SERGEF: variants seen among roughly 807,000 people sequenced by gnomAD.
SERGEF encodes the protein secretion-regulating guanine nucleotide exchange factor.
Under a neutral mutation model 50.0 loss-of-function variants are expected in SERGEF, and 51 were observed. The ratio of observed to expected loss-of-function variants is 1.02; its 90% confidence interval spans 0.81 to 1.29. SERGEF has a LOEUF of 1.29. Among genes scored for constraint, SERGEF ranks in the 50% most tolerant of loss-of-function variants. The pLI is 0.00. For synonymous variants in SERGEF, 205 were observed against 212.4 expected, an observed-to-expected ratio of 0.97 and a Z score of 0.30; for missense variants, 521 against 557.0, an observed-to-expected ratio of 0.94 and a Z score of 0.65.
intron 10 of SERGEF, among the ~76,000 whole-genome samples, chr11:17,876,712 T>C (rs559189842): frequency 6.6e-6 from 1 of 152,380 alleles, no homozygotes; most frequent in Non-Finnish European, 1.5e-5. Context: ...TTCATCTGGA[T>C]TTTGTGCTTT....
chr11:17,850,427 G>A (rs1439007210), intron 10 of SERGEF, among the ~76,000 whole-genome samples: 1 of 152,200 alleles, frequency 6.6e-6, no homozygotes, highest in Non-Finnish European at 1.5e-5. Context: ...CTGTTGCAAT[G>A]ATTAAATGTT....
At chr11:17,802,250 A>C (rs1849683689) in intron 10 of SERGEF, among the ~76,000 whole-genome samples, 1 of 152,224 alleles carries the variant, frequency 6.6e-6, no homozygotes, top group Non-Finnish European at 1.5e-5. Flanking sequence ...GAGGCCACCC[A>C]AAAATGAGGC....
chr11:17,846,690 T>G (rs1380260323), intron 10 of SERGEF: 2 of 456,110 alleles, frequency 4.4e-6, no homozygotes, highest in African/African-American at 4.0e-5. Flanking sequence ...CTTGAGTATA[T>G]CTCTTAATTT....
intron 1 of SERGEF, 120 bp downstream of exon 1, chr11:18,012,831 A>C: frequency 6.6e-7 from 1 of 1,514,772 alleles, no homozygotes; most frequent in Non-Finnish European, 8.8e-7. Context: ...GGATCCTTCA[A>C]CCCAGAGCCC....
chr11:17,984,656 C>T (rs1418865552), intron 8 of SERGEF, among the ~76,000 whole-genome samples: 3 of 152,140 alleles, frequency 2.0e-5, no homozygotes, highest in Non-Finnish European at 4.4e-5. Context: ...TAAGAGGTGA[C>T]AGTGGGCTGA....
At chr11:17,859,784 C>G (rs967858379) in intron 10 of SERGEF, among the ~76,000 whole-genome samples, 14 of 151,972 alleles carry the variant, frequency 9.2e-5, no homozygotes, top group Non-Finnish European at 1.9e-4. Flanking sequence ...GAAATGCATG[C>G]AAAAGTCAGA....
intron 10 of SERGEF, among the ~76,000 whole-genome samples, chr11:17,852,542 G>T (rs911993724): frequency 2.0e-5 from 3 of 152,166 alleles, no homozygotes; most frequent in African/African-American, 7.2e-5. Context: ...AATTATTTAT[G>T]TAAGAATTTC....
chr11:17,809,053 T>C (rs1849819201), intron 10 of SERGEF, among the ~76,000 whole-genome samples: 1 of 152,224 alleles, frequency 6.6e-6, no homozygotes, highest in African/African-American at 2.4e-5. Context: ...ACTTGGTAGA[T>C]ATCATAAGGG....
intron 10 of SERGEF, among the ~76,000 whole-genome samples, chr11:17,799,091 T>C (rs1565170334): frequency 6.6e-6 from 1 of 152,190 alleles, no homozygotes; most frequent in African/African-American, 2.4e-5. Context: ...TGATACCTCC[T>C]CCCTCTGTAT....
chr11:17,983,536 A>G (rs1853532681), intron 8 of SERGEF, among the ~76,000 whole-genome samples: 1 of 152,208 alleles, frequency 6.6e-6, no homozygotes, highest in African/African-American at 2.4e-5. Flanking sequence ...TAATCCTCAT[A>G]TCAGGTCAGC....
At chr11:17,912,447 T>G (rs181551687) in intron 9 of SERGEF, among the ~76,000 whole-genome samples, 15 of 152,344 alleles carry the variant, frequency 9.8e-5, no homozygotes, top group African/African-American at 2.9e-4. Flanking sequence ...GACAGTTACA[T>G]AAGATTCTAT....
Position 17,988,687 on chromosome 11 carries a change from G to C in SERGEF, c.754C>G (p.Pro252Ala), listed in dbSNP as rs980762006. 6 of 1,613,976 alleles carry C rather than the reference G, an allele frequency of 3.7e-6. No individual in the cohort carries two copies. In the African/African-American group the frequency reaches 8.0e-5, roughly 22 times the overall value. ...TGTGCTTCTATTTTCTGGGGCACAG[G>C]AAGGAAAGCAGCCTCATTAGCCAGT... ...GQLANEAAFL[P>A]VPQKIEAHCF... Residue 252 changes from proline to alanine, a missense_variant, in exon 8 of 11, where the codon CCT (proline) becomes GCT (alanine). Transcript: ENST00000265965.
At chr11:17,970,669 C>G (rs1046069149) in intron 8 of SERGEF, among the ~76,000 whole-genome samples, 4 of 152,168 alleles carry the variant, frequency 2.6e-5, no homozygotes, top group African/African-American at 9.7e-5. Context: ...ATTAAAAGTG[C>G]TTCGCTAGTG....
At chr11:17,978,268 C>A (rs1853420785) in intron 8 of SERGEF, among the ~76,000 whole-genome samples, 2 of 152,044 alleles carry the variant, frequency 1.3e-5, no homozygotes, top group African/African-American at 4.8e-5. Flanking sequence ...AACCTGATCC[C>A]CTTGGAAATT....
At chr11:17,891,269 C>T (rs184573571) in intron 9 of SERGEF, among the ~76,000 whole-genome samples, 1 of 152,266 alleles carries the variant, frequency 6.6e-6, no homozygotes, top group African/African-American at 2.4e-5. Flanking sequence ...GCAGAATTGG[C>T]AAGACCTGAC....
At chr11:17,955,100 A>C (rs1852839461) in intron 9 of SERGEF, among the ~76,000 whole-genome samples, 1 of 152,242 alleles carries the variant, frequency 6.6e-6, no homozygotes, top group Non-Finnish European at 1.5e-5. Flanking sequence ...AAAGTGATCT[A>C]GACTCAATTT....
At position 17,948,364 on chromosome 11, in the gene SERGEF, G is replaced by A. The variant is rs141789542; in HGVS notation, c.1011+11106C>T. Among the ~76,000 whole-genome samples, 168 of 152,256 alleles carry A rather than the reference G, an allele frequency of 1.1e-3. 1 individual carries two copies. The Middle Eastern group carries it at 0.017, about 15-fold the overall frequency. On this transcript the variant is annotated intron_variant, in intron 9 of 10. Coordinates refer to ENST00000265965, the MANE Select transcript of SERGEF (RefSeq NM_012139.4). ...ACAGATGCAAAATCTGAGACTCAGAGAAGTAAAAGCAGCTGTCCAAAGATC... is the reference window on the plus strand; with the variant it reads ...ACAGATGCAAAATCTGAGACTCAGAAAAGTAAAAGCAGCTGTCCAAAGATC...
chr11:17,994,475 CAAAAAAA>C (rs58280362), intron 6 of SERGEF, among the ~76,000 whole-genome samples: 2 of 63,732 alleles, frequency 3.1e-5, no homozygotes, highest in African/African-American at 6.9e-5. Context: ...GACTCTGTCT[CAAAAAAA>C]AAAAAAAAAA....
intron 7 of SERGEF, among the ~76,000 whole-genome samples, chr11:17,990,661 G>C (rs1253165290): frequency 6.6e-6 from 1 of 152,204 alleles, no homozygotes; most frequent in Non-Finnish European, 1.5e-5. Flanking sequence ...CTGCTGCAAT[G>C]CCAAATAGTT....
Sources: gnomAD v4.1 joint callset for allele counts (sites outside exome capture counted in the v4.1 genomes callset) on GRCh38, gnomAD v4.1.1 for gene constraint, MANE v1.5 for transcripts, NCBI Gene and HGNC (gene_info 2026-07-23, HGNC 2026-07-21) for gene names.